Variants in ST6GALNAC3 observed in about 807,000 individuals in gnomAD.
ST6GALNAC3 encodes ST6 N-acetylgalactosaminide alpha-2,6-sialyltransferase 3, also known as alpha-N-acetylgalactosaminide alpha-2,6-sialyltransferase 3.
A neutral mutation model predicts 32.7 loss-of-function variants in ST6GALNAC3; 25 were observed. The ratio of observed to expected loss-of-function variants is 0.76; its 90% confidence interval spans 0.56 to 1.07. The LOEUF is 1.07. ST6GALNAC3 is among the 50% of genes least tolerant of loss of function. The pLI is 0.00. For synonymous variants in ST6GALNAC3, 129 were observed against 133.1 expected, an observed-to-expected ratio of 0.97 and a Z score of 0.21; for missense variants, 355 against 382.4, an observed-to-expected ratio of 0.93 and a Z score of 0.60.
chr1:76,425,362 A>C (rs1294911733), intron 3 of ST6GALNAC3, among the ~76,000 whole-genome samples: 1 of 152,008 alleles, frequency 6.6e-6, no homozygotes, highest in Non-Finnish European at 1.5e-5. Flanking sequence ...CATCCTGTTT[A>C]CTAACATACA....
At chr1:76,094,470 AG>A (rs971640975) in intron 1 of ST6GALNAC3, among the ~76,000 whole-genome samples, 5 of 152,156 alleles carry the variant, frequency 3.3e-5, no homozygotes, top group African/African-American at 1.2e-4. Flanking sequence ...CTTTGGGGTT[AG>A]TTACTAATCT....
intron 1 of ST6GALNAC3, among the ~76,000 whole-genome samples, chr1:76,141,803 C>A (rs1650343547): frequency 6.6e-6 from 1 of 152,142 alleles, no homozygotes; most frequent in African/African-American, 2.4e-5. Flanking sequence ...CTCATGACAA[C>A]CATTATGTAA....
intron 3 of ST6GALNAC3, among the ~76,000 whole-genome samples, chr1:76,561,551 T>C (rs1416550760): frequency 6.6e-6 from 1 of 151,938 alleles, no homozygotes; most frequent in African/African-American, 2.4e-5. Flanking sequence ...ATCTGAAAAA[T>C]GCAAATCAAA....
At chr1:76,545,195 C>T (rs187804815) in intron 3 of ST6GALNAC3, among the ~76,000 whole-genome samples, 12 of 152,296 alleles carry the variant, frequency 7.9e-5, no homozygotes, top group East Asian at 1.9e-4. Flanking sequence ...CAATTTAGGA[C>T]GGACTAAAAG....
intron 3 of ST6GALNAC3, among the ~76,000 whole-genome samples, chr1:76,536,333 A>G (rs1235555546): frequency 6.6e-6 from 1 of 152,188 alleles, no homozygotes; most frequent in Non-Finnish European, 1.5e-5. Flanking sequence ...TATAAAGGAA[A>G]GAGATTTAAT....
intron 2 of ST6GALNAC3, among the ~76,000 whole-genome samples, chr1:76,330,652 T>G (rs145917376): frequency 1.8e-3 from 279 of 152,316 alleles, no homozygotes; most frequent in African/African-American, 6.4e-3. Context: ...AGATATCCAC[T>G]TAGTCTTCAA....
intron 3 of ST6GALNAC3, among the ~76,000 whole-genome samples, chr1:76,545,060 T>C (rs1456456147): frequency 6.6e-6 from 1 of 152,214 alleles, no homozygotes; most frequent in Non-Finnish European, 1.5e-5. Context: ...ACCACTACCG[T>C]AGCGTTTCTG....
intron 3 of ST6GALNAC3, among the ~76,000 whole-genome samples, chr1:76,596,832 G>A (rs1399022428): frequency 6.6e-6 from 1 of 152,290 alleles, no homozygotes; most frequent in African/African-American, 2.4e-5. Context: ...ACAAAGAGAT[G>A]GATGGGATGC....
intron 1 of ST6GALNAC3, among the ~76,000 whole-genome samples, chr1:76,103,091 T>C (rs973568015): frequency 1.3e-5 from 2 of 151,782 alleles, no homozygotes; most frequent in Non-Finnish European, 2.9e-5. Flanking sequence ...TTTTTCACCC[T>C]TATGCTGATT....
intron 1 of ST6GALNAC3, among the ~76,000 whole-genome samples, chr1:76,154,277 T>G (rs1557658320): frequency 1.3e-5 from 2 of 152,114 alleles, no homozygotes; most frequent in South Asian, 2.1e-4. Flanking sequence ...GTTTGCACCC[T>G]GCATGCAGGG....
chr1:76,374,042 A>G lies in ST6GALNAC3; in HGVS notation c.214-37966A>G, dbSNP rs114212876. On this transcript the variant is annotated intron_variant, in intron 2 of 4. Coordinates refer to ENST00000328299, the MANE Select transcript of ST6GALNAC3 (RefSeq NM_152996.4). ...CTTTCTCCTGTGGTTTATGCAGCCTATACTTTGACTACTTCTAGTTAGACA... is the reference window on the plus strand; with the variant it reads ...CTTTCTCCTGTGGTTTATGCAGCCTGTACTTTGACTACTTCTAGTTAGACA... 3.6e-3 allele frequency among the ~76,000 whole-genome samples: 549 copies of G among 152,280 alleles called. 2 individuals carry two copies. Among genetic ancestry groups the G allele is most frequent in the African/African-American group, 0.013 (528 of 41,570 alleles).
intron 3 of ST6GALNAC3, among the ~76,000 whole-genome samples, chr1:76,443,000 T>A (rs532495504): frequency 6.1e-4 from 93 of 152,356 alleles, no homozygotes; most frequent in African/African-American, 2.2e-3. Flanking sequence ...AACTTCCTTC[T>A]GTGTTTTCTG....
In ST6GALNAC3 at chr1:76,459,751, C is replaced by CT. The variant is rs536047766; in HGVS notation, c.623+47337dup. On this transcript the variant is annotated intron_variant, in intron 3 of 4. Transcript: ENST00000328299. ...TCAATGGAATCATACAATAAGTGGA[C>CT]TTTGAGTCTAGATTCTTTCACTTAG... Among the ~76,000 whole-genome samples the CT allele has an allele frequency of 2.0e-5, 3 of 152,050 alleles. No individual in the cohort carries two copies. In the South Asian group the frequency reaches 6.2e-4, roughly 32 times the overall value.
intron 1 of ST6GALNAC3, among the ~76,000 whole-genome samples, chr1:76,192,181 G>A (rs1653937455): frequency 6.6e-6 from 1 of 152,072 alleles, no homozygotes; most frequent in African/African-American, 2.4e-5. Context: ...ATAAAATGTG[G>A]GACTGTTTTG....
At chr1:76,461,390 T>C (rs893333770) in intron 3 of ST6GALNAC3, among the ~76,000 whole-genome samples, 1 of 152,216 alleles carries the variant, frequency 6.6e-6, no homozygotes, top group African/African-American at 2.4e-5. Context: ...TAAGTAATTA[T>C]ACCCTGTGCC....
intron 3 of ST6GALNAC3, among the ~76,000 whole-genome samples, chr1:76,538,835 G>T (rs990872899): frequency 6.6e-6 from 1 of 151,978 alleles, no homozygotes; most frequent in East Asian, 1.9e-4. Flanking sequence ...TCATCAAGGA[G>T]AACTACAAAA....
chr1:76,630,289 GA>G lies in ST6GALNAC3; in HGVS notation c.*1487del, dbSNP rs759046833. On this transcript the variant is annotated 3_prime_UTR_variant, in exon 5 of 5. Transcript: ENST00000328299. ...CTTGGCCATATGCTAGGGCCCCTGTGAAAATAAGTAGTTTTGAGAAGTTTTT... is the reference window on the plus strand; with the variant it reads ...CTTGGCCATATGCTAGGGCCCCTGTGAAATAAGTAGTTTTGAGAAGTTTTT... The G allele has an allele frequency of 5.1e-6, 5 of 985,134 alleles. No individual in the cohort carries two copies. The highest frequency in any genetic ancestry group is 6.0e-6 in the Non-Finnish European group (5 of 829,796). 61.0% of individuals were successfully genotyped at this position (985,134 alleles called of 1,614,324 possible).
At chr1:76,446,332 G>T (rs1002976752) in intron 3 of ST6GALNAC3, among the ~76,000 whole-genome samples, 2 of 151,866 alleles carry the variant, frequency 1.3e-5, no homozygotes, top group African/African-American at 4.8e-5. Context: ...CTATGTTGAT[G>T]CATCCTTATC....
chr1:76,460,293 A>G (rs1413349739), intron 3 of ST6GALNAC3, among the ~76,000 whole-genome samples: 2 of 152,050 alleles, frequency 1.3e-5, no homozygotes, highest in Admixed American at 6.6e-5. Flanking sequence ...AGATATGTCA[A>G]GTCTTTTGCC....
Sources: allele counts gnomAD v4.1 joint callset (sites outside exome capture counted in the v4.1 genomes callset), GRCh38; gene constraint gnomAD v4.1.1; transcripts MANE v1.5; gene names NCBI Gene and HGNC (gene_info 2026-07-23, HGNC 2026-07-21).